Variants in ATXN2 observed in about 807,000 individuals in gnomAD.
The protein encoded by ATXN2 is ataxin-2.
In ATXN2, 37 loss-of-function variants were observed where a neutral mutation model predicts 138.6. That is an observed-to-expected ratio of 0.27 (90% CI 0.21 to 0.35). The LOEUF is 0.35. ATXN2 is among the 10% of genes least tolerant of loss of function. ATXN2 has a pLI of 1.00. For synonymous variants in ATXN2, 549 were observed against 543.7 expected, an observed-to-expected ratio of 1.01 and a Z score of -0.13; for missense variants, 1,216 against 1,480.3, an observed-to-expected ratio of 0.82 and a Z score of 2.93.
Position 111,552,584 on chromosome 12 carries a change from T to G in ATXN2, c.421-154A>C. ...TTTTTCCCAGGCATATGATCTATTA[T>G]CCATTCCATCATTTAAAAATCCTCA... On this transcript the variant is annotated intron_variant, in intron 4 of 24. Coordinates refer to ENST00000673436, the MANE Select transcript of ATXN2 (RefSeq NM_001372574.1). The surrounding 1 kb of genome is among the most constrained non-coding windows in gnomAD (Gnocchi z 4.1). 2 of 742,716 alleles carry G rather than the reference T, an allele frequency of 2.7e-6. No individual in the cohort carries two copies. Among genetic ancestry groups the G allele is most frequent in the Non-Finnish European group, 4.1e-6 (2 of 490,866 alleles). The allele number at this position is 742,716 out of a possible 1,614,324, so 46.0% of individuals were successfully genotyped here. A position where few individuals can be genotyped will look rare whatever the true frequency, so the allele number is the denominator to read the frequency against.
At chr12:111,479,692 T>C (rs748207433) in intron 18 of ATXN2, among the ~76,000 whole-genome samples, 5 of 152,132 alleles carry the variant, frequency 3.3e-5, no homozygotes, top group Non-Finnish European at 5.9e-5. Context: ...TCATAAACTT[T>C]CTTAAAACAT....
At chr12:111,539,831 A>C (rs924658801) in intron 5 of ATXN2, among the ~76,000 whole-genome samples, 1 of 150,392 alleles carries the variant, frequency 6.6e-6, no homozygotes, top group African/African-American at 2.4e-5. Flanking sequence ...TAAATTCAGA[A>C]ATGTTCAAGA....
Position 111,598,775 on chromosome 12 carries a change from G to A in ATXN2, c.251+9C>T, listed in dbSNP as rs779840317. 1 of 1,303,112 alleles carries A rather than the reference G, an allele frequency of 7.7e-7. No individual in the cohort carries two copies. Among genetic ancestry groups the A allele is most frequent in the Admixed American group, 4.3e-5 (1 of 23,422 alleles). 80.7% of individuals were successfully genotyped at this position (1,303,112 alleles called of 1,614,324 possible). On this transcript the variant is annotated intron_variant, in intron 1 of 24. Coordinates refer to ENST00000673436, the MANE Select transcript of ATXN2 (RefSeq NM_001372574.1). This position sits in a 1 kb window ranked among gnomAD's most constrained non-coding sequence, Gnocchi z 4.5. ...CCGGAGCGGAGGGGGCTGGGGTGCC[G>A]ACACCCACCTGCCCAGGCCGGGCCT...
In ATXN2 at chr12:111,598,573, G is replaced by A. The variant is rs1418680489; in HGVS notation, c.251+211C>T. On this transcript the variant is annotated intron_variant, in intron 1 of 24. Coordinates refer to ENST00000673436, the MANE Select transcript of ATXN2 (RefSeq NM_001372574.1). This position sits in a 1 kb window ranked among gnomAD's most constrained non-coding sequence, Gnocchi z 4.5. ...CGGGGGAGGGGGCGGGGATGCTGCG[G>A]GAGGCTGGACAGGCCTGACAATCCC... The A allele has an allele frequency of 3.0e-6, 3 of 984,598 alleles. No individual in the cohort carries two copies. The highest frequency in any genetic ancestry group is 9.4e-5 in the South Asian group (2 of 21,264). 61.0% of individuals were successfully genotyped at this position (984,598 alleles called of 1,614,324 possible).
Position 111,453,763 on chromosome 12 carries a change from C to G in ATXN2, c.3353G>C (p.Gly1118Ala). ...ACTTTGAGCGAGGGCGGCCTGGGGA[C>G]CGCCGGGTGGCTGTGTCGTCATTAG... ...MMLMTTQPPG[G>A]PQAALAQSAL... Residue 1118 changes from glycine to alanine, a missense_variant, in exon 24 of 25, where the codon GGT becomes GCT. Around this residue, in one of 4 missense-constraint regions of ATXN2, gnomAD observed 490 missense variants for 653.5 expected, o/e 0.75. Transcript: ENST00000673436. This position sits in a 1 kb window ranked among gnomAD's most constrained non-coding sequence, Gnocchi z 5.4. 1 of 1,614,160 alleles carries G rather than the reference C, an allele frequency of 6.2e-7. No individual in the cohort carries two copies. The highest frequency in any genetic ancestry group is 8.5e-7 in the Non-Finnish European group (1 of 1,179,998).
chr12:111,469,563 C>T (rs1285454983), intron 20 of ATXN2: 1 of 152,542 alleles, frequency 6.6e-6, no homozygotes, highest in Non-Finnish European at 1.5e-5. Context: ...ATTCTGTTCA[C>T]ATTGGTTATA....
intron 5 of ATXN2, among the ~76,000 whole-genome samples, chr12:111,547,703 C>T (rs1881878268): frequency 6.9e-6 from 1 of 145,826 alleles, no homozygotes; most frequent in Non-Finnish European, 1.5e-5. Flanking sequence ...CCAGCCTGGG[C>T]GACAAGAGCA....
intron 20 of ATXN2, chr12:111,469,039 C>T (rs527721073): frequency 2.0e-5 from 3 of 152,122 alleles, no homozygotes; most frequent in Admixed American, 1.3e-4. Context: ...TAAACATACT[C>T]GTTCAGGACA....
At chr12:111,536,399 ACTT>A (rs1242513699) in intron 5 of ATXN2, among the ~76,000 whole-genome samples, 2 of 152,194 alleles carry the variant, frequency 1.3e-5, no homozygotes, top group African/African-American at 4.8e-5. Context: ...GTGAGATACT[ACTT>A]CTTACTCTCC....
chr12:111,588,170 G>C (rs1884438764), intron 1 of ATXN2, among the ~76,000 whole-genome samples: 1 of 148,748 alleles, frequency 6.7e-6, no homozygotes, highest in Non-Finnish European at 1.5e-5. Context: ...CTTAGCAACA[G>C]AGCCAGATCC....
At chr12:111,583,766 C>CAAAAAAAAAA (rs748838859) in intron 1 of ATXN2, among the ~76,000 whole-genome samples, 3 of 58,118 alleles carry the variant, frequency 5.2e-5, no homozygotes, top group African/African-American at 7.0e-5. Flanking sequence ...GACTCCGACT[C>CAAAAAAAAAA]AAAAAAAAAA....
At chr12:111,517,936 T>C (rs940419937) in intron 9 of ATXN2, among the ~76,000 whole-genome samples, 2 of 152,206 alleles carry the variant, frequency 1.3e-5, no homozygotes, top group Non-Finnish European at 2.9e-5. Context: ...ATTGAGAACC[T>C]ACCCAAAGTT....
chr12:111,548,616 T>C (rs946274027), intron 5 of ATXN2, among the ~76,000 whole-genome samples: 1 of 152,230 alleles, frequency 6.6e-6, no homozygotes, highest in Non-Finnish European at 1.5e-5. Context: ...CCACTTCTAT[T>C]ATAAAAAACA....
intron 14 of ATXN2, among the ~76,000 whole-genome samples, chr12:111,506,374 T>C (rs1011814992): frequency 6.6e-6 from 1 of 152,222 alleles, no homozygotes; most frequent in East Asian, 1.9e-4. Flanking sequence ...ATATGTAAAT[T>C]ATATCTCATT....
At chr12:111,507,518 C>A (rs1879227671) in intron 14 of ATXN2, among the ~76,000 whole-genome samples, 1 of 151,536 alleles carries the variant, frequency 6.6e-6, no homozygotes, top group African/African-American at 2.4e-5. Flanking sequence ...CCCGGCCAGC[C>A]GCCCCATCCG....
chr12:111,570,785 C>T (rs1883274522), intron 1 of ATXN2, among the ~76,000 whole-genome samples: 1 of 152,204 alleles, frequency 6.6e-6, no homozygotes, highest in African/African-American at 2.4e-5. Flanking sequence ...CACTGGGTAA[C>T]CTGGAAGCAG....
intron 6 of ATXN2, among the ~76,000 whole-genome samples, chr12:111,523,229 C>CA (rs199973471): frequency 2.4e-4 from 33 of 139,192 alleles, no homozygotes; most frequent in African/African-American, 9.4e-4. Flanking sequence ...GACTCTGTCT[C>CA]AAAAAAAGAA....
chr12:111,460,213 C>G (rs1875466368), intron 21 of ATXN2, among the ~76,000 whole-genome samples: 1 of 152,048 alleles, frequency 6.6e-6, no homozygotes, highest in Non-Finnish European at 1.5e-5. Context: ...TCCTGAGTAG[C>G]TAGGACTACA....
intron 21 of ATXN2, among the ~76,000 whole-genome samples, chr12:111,459,585 C>A (rs1250125439): frequency 3.3e-5 from 5 of 151,880 alleles, no homozygotes; most frequent in African/African-American, 1.2e-4. Context: ...GAACTATAGG[C>A]AAGCATCACC....
Sources: gnomAD v4.1 joint callset for allele counts (sites outside exome capture counted in the v4.1 genomes callset) on GRCh38, gnomAD v4.1.1 for gene constraint, gnomAD v4.1.1 regional missense constraint, Gnocchi (gnomAD v3.1) non-coding constraint, MANE v1.5 for transcripts, NCBI Gene and HGNC (gene_info 2026-07-23, HGNC 2026-07-21) for gene names.